The following DAB2IP variants were observed in gnomAD, a reference collection of about 807,000 sequenced individuals.
The protein encoded by DAB2IP is disabled homolog 2-interacting protein.
A neutral mutation model predicts 107.2 loss-of-function variants in DAB2IP; 28 were observed. That is an observed-to-expected ratio of 0.26 (90% CI 0.19 to 0.36). The LOEUF (loss-of-function observed/expected upper bound fraction) is 0.36, where lower values mean the gene tolerates loss of function less well. Ranked by LOEUF, DAB2IP falls within the 10% of genes least tolerant of loss-of-function variation. The pLI, the probability that DAB2IP is intolerant of heterozygous loss-of-function variation, is 1.00. For synonymous variants in DAB2IP, 755 were observed against 706.4 expected, an observed-to-expected ratio of 1.07 and a Z score of -1.09; for missense variants, 1,400 against 1,644.7, an observed-to-expected ratio of 0.85 and a Z score of 2.57.
intron 3 of DAB2IP, among the ~76,000 whole-genome samples, chr9:121,709,575 TGGGTTTC>T: frequency 6.6e-6 from 1 of 152,334 alleles, no homozygotes; most frequent in South Asian, 2.1e-4. Context: ...GTGGCAGAGC[TGGGTTTC>T]AAACCCAGGC....
chr9:121,744,376 T>G (rs1237846319), intron 3 of DAB2IP, among the ~76,000 whole-genome samples: 1 of 152,148 alleles, frequency 6.6e-6, no homozygotes, highest in African/African-American at 2.4e-5. Flanking sequence ...TTTGGTGTGG[T>G]AGCGTCTTTA....
intron 1 of DAB2IP, among the ~76,000 whole-genome samples, chr9:121,665,934 G>C (rs1011830853): frequency 6.6e-6 from 1 of 152,214 alleles, no homozygotes; most frequent in African/African-American, 2.4e-5. Flanking sequence ...TGGATCCATG[G>C]ATGTATTAGT....
At chr9:121,657,533 C>T (rs1050785724) in intron 1 of DAB2IP, among the ~76,000 whole-genome samples, 1 of 152,212 alleles carries the variant, frequency 6.6e-6, no homozygotes, top group Non-Finnish European at 1.5e-5. Context: ...TTGTCACTTT[C>T]CTTTACCAGG....
intron 1 of DAB2IP, among the ~76,000 whole-genome samples, chr9:121,570,223 C>G (rs1174634467): frequency 6.6e-6 from 1 of 151,438 alleles, no homozygotes; most frequent in Non-Finnish European, 1.5e-5. Flanking sequence ...ATCCATCCTC[C>G]CACCTCAGCC....
intron 3 of DAB2IP, among the ~76,000 whole-genome samples, chr9:121,745,720 G>A (rs541545060): frequency 8.4e-4 from 128 of 152,230 alleles, no homozygotes; most frequent in Non-Finnish European, 9.0e-4. Context: ...CACTTGACGG[G>A]GTAGGATGCT....
exon 12 of DAB2IP, chr9:121,773,003 G>T (rs146245060): frequency 6.2e-7 from 1 of 1,610,664 alleles, no homozygotes. Context: ...TGTTGGCACC[G>T]CTCTCCTTCC....
At chr9:121,571,019 G>A (rs865849304) in intron 1 of DAB2IP, among the ~76,000 whole-genome samples, 4 of 151,856 alleles carry the variant, frequency 2.6e-5, no homozygotes, top group South Asian at 2.1e-4. Flanking sequence ...CTCGCTTCCC[G>A]CCATCAGATC....
intron 4 of DAB2IP, among the ~76,000 whole-genome samples, chr9:121,758,068 C>T (rs768985974): frequency 6.6e-6 from 1 of 152,230 alleles, no homozygotes; most frequent in Non-Finnish European, 1.5e-5. Flanking sequence ...ACTTCCTTGC[C>T]AGGGATAGGG....
intron 3 of DAB2IP, among the ~76,000 whole-genome samples, chr9:121,752,647 G>T (rs994345704): frequency 6.6e-6 from 1 of 152,246 alleles, no homozygotes; most frequent in African/African-American, 2.4e-5. Flanking sequence ...GAGGGGCCCA[G>T]CAGGCAGGCC....
At chr9:121,769,794 G>T (rs557719863) in intron 10 of DAB2IP, among the ~76,000 whole-genome samples, 1 of 152,202 alleles carries the variant, frequency 6.6e-6, no homozygotes, top group Non-Finnish European at 1.5e-5. Flanking sequence ...TGCTGTCCAC[G>T]TATCTGCACA....
At chr9:121,669,171 A>G (rs867349580) in intron 1 of DAB2IP, among the ~76,000 whole-genome samples, 11 of 152,034 alleles carry the variant, frequency 7.2e-5, no homozygotes, top group Non-Finnish European at 7.4e-5. Flanking sequence ...GCCTCAAGCA[A>G]TCCGCCCACC....
Position 121,702,174 on chromosome 9 carries a change from G to A in DAB2IP, c.362+2716G>A, listed in dbSNP as rs1205171175. ...AGGCTTTGTTGAATGCTGTCTGCGTGCTCCGCAAGCTGCTGTGTTGGGGAG... is the reference window on the plus strand; with the variant it reads ...AGGCTTTGTTGAATGCTGTCTGCGTACTCCGCAAGCTGCTGTGTTGGGGAG... On this transcript the variant is annotated intron_variant, in intron 3 of 15. Coordinates refer to ENST00000408936, the Ensembl canonical transcript of DAB2IP. This position sits in a 1 kb window ranked among gnomAD's most constrained non-coding sequence, Gnocchi z 4.5. Among the ~76,000 whole-genome samples, 2 of 152,214 alleles carry A rather than the reference G, an allele frequency of 1.3e-5. No individual in the cohort carries two copies. Among genetic ancestry groups the A allele is most frequent in the Non-Finnish European group, 2.9e-5 (2 of 68,050 alleles).
intron 1 of DAB2IP, among the ~76,000 whole-genome samples, chr9:121,632,514 G>T (rs1336756796): frequency 6.6e-6 from 1 of 152,128 alleles, no homozygotes; most frequent in Non-Finnish European, 1.5e-5. Flanking sequence ...GACCCTAAGG[G>T]CTGGGGCCAG....
At position 121,684,390 on chromosome 9, in the gene DAB2IP, C is replaced by T. The variant is rs567270116; in HGVS notation, c.228+5609C>T. Among the ~76,000 whole-genome samples the T allele has an allele frequency of 6.6e-6, 1 of 152,298 alleles. No individual in the cohort carries two copies. Among genetic ancestry groups the T allele is most frequent in the East Asian group, 1.9e-4 (1 of 5,178 alleles). On this transcript the variant is annotated intron_variant, in intron 2 of 15. Transcript: ENST00000408936. This position sits in a 1 kb window ranked among gnomAD's most constrained non-coding sequence, Gnocchi z 4.0. The stretch of plus-strand genomic sequence containing the variant: ...AGTGGTCCTCACCCCTTACTCCTTC[C>T]TGTCCTCTCCTCCCAGCACCTGGAT...
chr9:121,648,837 C>T (rs866413963), upstream of DAB2IP, among the ~76,000 whole-genome samples: 42 of 152,034 alleles, frequency 2.8e-4, 1 homozygote, highest in Admixed American at 1.3e-4. Flanking sequence ...CTGGAAAGTC[C>T]GATCTGTTGG....
intron 1 of DAB2IP, among the ~76,000 whole-genome samples, chr9:121,590,909 G>A (rs1036041219): frequency 1.3e-5 from 2 of 152,164 alleles, no homozygotes; most frequent in African/African-American, 4.8e-5. Context: ...CATTGAAGAT[G>A]CCATCACCAA....
intron 2 of DAB2IP, among the ~76,000 whole-genome samples, chr9:121,683,829 C>T (rs904937679): frequency 1.3e-5 from 2 of 152,060 alleles, no homozygotes; most frequent in South Asian, 2.1e-4. Context: ...TATAGGAGTT[C>T]GTCAGGAACC....
chr9:121,770,438 C>A, intron 10 of DAB2IP, 108 bp from the exon 11 acceptor site: 1 of 1,273,454 alleles, frequency 7.9e-7, no homozygotes, highest in Non-Finnish European at 1.1e-6. Flanking sequence ...TGGGGATCTG[C>A]ACTTCTGACA....
chr9:121,666,105 T>G (rs1833409079), intron 1 of DAB2IP, among the ~76,000 whole-genome samples: 2 of 152,222 alleles, frequency 1.3e-5, no homozygotes, highest in South Asian at 4.1e-4. Flanking sequence ...TGGAGAAGAA[T>G]CCATTTCCTT....
Sources: gnomAD v4.1 joint callset for allele counts (sites outside exome capture counted in the v4.1 genomes callset) on GRCh38, gnomAD v4.1.1 for gene constraint, Gnocchi (gnomAD v3.1) non-coding constraint, MANE v1.5 for transcripts, NCBI Gene and HGNC (gene_info 2026-07-23, HGNC 2026-07-21) for gene names.